The following LMNTD1 variants were observed in gnomAD, a reference collection of about 807,000 sequenced individuals.
LMNTD1 encodes lamin tail domain containing 1.
A neutral mutation model predicts 50.9 loss-of-function variants in LMNTD1; 35 were observed. The observed-to-expected ratio is 0.69, with a 90% CI of 0.53 to 0.91. The LOEUF is 0.91. LMNTD1 is among the 40% of genes least tolerant of loss of function. LMNTD1 has a pLI of 0.00. For missense variants in LMNTD1, 470 were observed against 475.5 expected (o/e 0.99, Z 0.11); for synonymous variants, 153 against 161.9 (o/e 0.94, Z 0.42).
At chr12:25,522,493 T>C (rs1272716642) in intron 6 of LMNTD1, among the ~76,000 whole-genome samples, 3 of 152,204 alleles carry the variant, frequency 2.0e-5, no homozygotes, top group Admixed American at 6.5e-5. Context: ...TTAGAAGATA[T>C]GGTTTTATTT....
intron 1 of LMNTD1, among the ~76,000 whole-genome samples, chr12:25,604,646 G>A (rs961551071): frequency 6.6e-6 from 1 of 152,196 alleles, no homozygotes; most frequent in South Asian, 2.1e-4. Flanking sequence ...ATGGTTTCCA[G>A]CTTCATCCAT....
intron 6 of LMNTD1, among the ~76,000 whole-genome samples, chr12:25,524,205 C>T (rs1003156702): frequency 1.3e-5 from 2 of 152,176 alleles, no homozygotes; most frequent in African/African-American, 2.4e-5. Context: ...AGCATTGTTT[C>T]ACTGTATTGC....
chr12:25,569,929 G>A (rs1249074981), intron 1 of LMNTD1, among the ~76,000 whole-genome samples: 2 of 152,140 alleles, frequency 1.3e-5, no homozygotes, highest in Non-Finnish European at 2.9e-5. Flanking sequence ...TTTATTTATA[G>A]CAATGCAAGA....
intron 1 of LMNTD1, among the ~76,000 whole-genome samples, chr12:25,617,240 G>C (rs1946368917): frequency 1.3e-5 from 2 of 152,190 alleles, no homozygotes. Context: ...GATGGGCACA[G>C]AGTTTATGTT....
chr12:25,501,389 A>G (rs1162240737), intron 9 of LMNTD1, among the ~76,000 whole-genome samples: 3 of 152,194 alleles, frequency 2.0e-5, no homozygotes, highest in Non-Finnish European at 4.4e-5. Context: ...GCAGTTTGGA[A>G]CAGTGGTAGC....
Position 25,519,886 on chromosome 12 carries a change from C to A in LMNTD1, c.988G>T (p.Val330Leu). 6.2e-7 allele frequency: 1 copy of A among 1,611,340 alleles called. No homozygotes were observed. Among genetic ancestry groups the A allele is most frequent in the Non-Finnish European group, 8.5e-7 (1 of 1,179,126 alleles). Residue 330 changes from valine (V) to leucine (L), a missense_variant, in exon 7 of 10, where the codon GTG becomes TTG. Transcript: ENST00000458174. ...QPKKDISNYQVEQAQVLLKRE... is the reference protein window; with the variant it reads ...QPKKDISNYQLEQAQVLLKRE... The stretch of plus-strand genomic sequence containing the variant: ...TTAAGAAGAACTTGAGCTTGTTCCA[C>A]CTGATAATTTGAGATATCTTTCTTA...
intron 1 of LMNTD1, among the ~76,000 whole-genome samples, chr12:25,627,219 A>T (rs1335086472): frequency 6.6e-6 from 1 of 152,170 alleles, no homozygotes; most frequent in African/African-American, 2.4e-5. Flanking sequence ...ACAATAACTT[A>T]TTGTTCATCT....
chr12:25,563,563 A>T (rs1944424660), intron 1 of LMNTD1, among the ~76,000 whole-genome samples: 1 of 152,144 alleles, frequency 6.6e-6, no homozygotes, highest in Admixed American at 6.5e-5. Context: ...CTACTGGGAG[A>T]TGTCTCCCAG....
At chr12:25,585,606 C>G (rs1045420273) in intron 1 of LMNTD1, among the ~76,000 whole-genome samples, 1 of 152,158 alleles carries the variant, frequency 6.6e-6, no homozygotes, top group African/African-American at 2.4e-5. Context: ...TGGCAAAACC[C>G]TCTTCACTTT....
At chr12:25,544,504 T>C (rs1943303009) in intron 4 of LMNTD1, among the ~76,000 whole-genome samples, 1 of 151,818 alleles carries the variant, frequency 6.6e-6, no homozygotes, top group African/African-American at 2.4e-5. Flanking sequence ...TTTGTTTCCT[T>C]ATCCCTAAGC....
Position 25,614,822 on chromosome 12 carries a change from A to G in LMNTD1, c.58+33672T>C, listed in dbSNP as rs532608941. 3.9e-5 allele frequency among the ~76,000 whole-genome samples: 6 copies of G among 152,300 alleles called. No homozygotes were observed. The South Asian group carries it at 1.2e-3, about 32-fold the overall frequency. ...TCATACTTCTGGAAACTGGAAGTCC[A>G]AGACCAAGGTATTGTTAGGTTTGGT... On this transcript the variant is annotated intron_variant, in intron 1 of 7. Transcript: ENST00000445693.
At chr12:25,536,200 C>G (rs1942569867) in intron 4 of LMNTD1, among the ~76,000 whole-genome samples, 1 of 152,128 alleles carries the variant, frequency 6.6e-6, no homozygotes, top group Non-Finnish European at 1.5e-5. Context: ...AGCAAAAAGA[C>G]AGTAGACAAC....
intron 3 of LMNTD1, among the ~76,000 whole-genome samples, chr12:25,548,935 C>T (rs1425590150): frequency 2.0e-5 from 3 of 151,878 alleles, no homozygotes; most frequent in Admixed American, 6.6e-5. Context: ...CCATACATCT[C>T]GTAAAGGCAC....
intron 1 of LMNTD1, among the ~76,000 whole-genome samples, chr12:25,616,026 C>T (rs1946345786): frequency 6.6e-6 from 1 of 151,952 alleles, no homozygotes; most frequent in Admixed American, 6.6e-5. Context: ...AAGTTCCTGT[C>T]CTCATGAAGT....
At chr12:25,597,727 C>T (rs570327197) in intron 1 of LMNTD1, among the ~76,000 whole-genome samples, 43 of 152,210 alleles carry the variant, frequency 2.8e-4, no homozygotes, top group Admixed American at 1.0e-3. Flanking sequence ...ATCATTCTCA[C>T]GGATAAATCA....
chr12:25,581,251 T>C (rs1421780795), intron 1 of LMNTD1, among the ~76,000 whole-genome samples: 1 of 152,214 alleles, frequency 6.6e-6, no homozygotes, highest in Admixed American at 6.5e-5. Context: ...CGCAGTGCTT[T>C]ATTTGTCAAA....
intron 1 of LMNTD1, among the ~76,000 whole-genome samples, chr12:25,635,145 G>A (rs1946802143): frequency 6.6e-6 from 1 of 151,664 alleles, no homozygotes; most frequent in Admixed American, 6.6e-5. Flanking sequence ...GAGGCTGAGG[G>A]GGGAGAATCG....
At chr12:25,539,869 G>A (rs199878418) in intron 4 of LMNTD1, among the ~76,000 whole-genome samples, 4,202 of 149,942 alleles carry the variant, frequency 0.028, 170 homozygotes, top group East Asian at 0.16. Context: ...TCAAATAGAC[G>A]CAATAAAAAA....
chr12:25,602,350 C>T (rs967338945), intron 1 of LMNTD1, among the ~76,000 whole-genome samples: 11 of 151,910 alleles, frequency 7.2e-5, no homozygotes, highest in African/African-American at 2.4e-4. Context: ...GCTGACTGTT[C>T]TTGACCCACA....
Sources: allele counts gnomAD v4.1 joint callset (sites outside exome capture counted in the v4.1 genomes callset), GRCh38; gene constraint gnomAD v4.1.1; transcripts MANE v1.5; gene names NCBI Gene and HGNC (gene_info 2026-07-23, HGNC 2026-07-21).